Variants in NUDT1 observed in about 807,000 individuals in gnomAD.
NUDT1 encodes the protein oxidized purine nucleoside triphosphate hydrolase.
Under a neutral mutation model 11.3 loss-of-function variants are expected in NUDT1, and 16 were observed. The observed-to-expected ratio is 1.41, with a 90% CI of 0.96 to 2.15. The LOEUF (loss-of-function observed/expected upper bound fraction) is 2.15, where lower values mean the gene tolerates loss of function less well. NUDT1 is among the 30% of genes most tolerant of loss of function. The pLI, the probability that NUDT1 is intolerant of heterozygous loss-of-function variation, is 0.00. For missense variants in NUDT1, 234 were observed against 208.4 expected (o/e 1.12, Z -0.76); for synonymous variants, 101 against 84.4 (o/e 1.20, Z -1.08).
Position 2,242,269 on chromosome 7 carries a change from C to T in NUDT1, c.-13+13C>T, listed in dbSNP as rs760775366. 7.4e-5 allele frequency: 91 copies of T among 1,235,146 alleles called. No individual in the cohort carries two copies. The highest frequency in any genetic ancestry group is 2.4e-4 in the Middle Eastern group (1 of 4,194). 76.5% of individuals were successfully genotyped at this position (1,235,146 alleles called of 1,614,324 possible). On this transcript the variant is annotated intron_variant, in intron 1 of 3. Transcript: ENST00000356714. ...AGCGGCGGTGCAGGTACGAAAAGCG[C>T]GCGCGGGGATTCCAGGAGTCGTGGT...
intron 1 of NUDT1, 57 bp from the exon 2 acceptor site, chr7:2,244,506 G>GCAGC: frequency 6.9e-7 from 1 of 1,451,622 alleles, no homozygotes; most frequent in Non-Finnish European, 9.2e-7. Context: ...CTGGCCCCTG[G>GCAGC]CACGTGCTTC....
chr7:2,248,461 C>T (rs565915356), intron 2 of NUDT1, among the ~76,000 whole-genome samples: 31 of 151,420 alleles, frequency 2.0e-4, no homozygotes, highest in South Asian at 4.2e-4. Context: ...GTTGAGAAGG[C>T]GGCTGGGTTC....
rs760859686 is a variant in NUDT1 at position 2,244,592 on chromosome 7, C to T, written c.18C>T (p.Leu6=). Residue 6 remains leucine (L), a synonymous_variant, in exon 2 of 4, where the codon CTC becomes CTT. Coordinates refer to ENST00000356714, the MANE Select transcript of NUDT1 (RefSeq NM_002452.4). Reference sequence around the variant, plus strand: ...CAGGGACCATGGGCGCCTCCAGGCTCTATACCCTGGTGCTGGTCCTGCAGC... The same window carrying T: ...CAGGGACCATGGGCGCCTCCAGGCTTTATACCCTGGTGCTGGTCCTGCAGC... The part of the protein sequence containing the change: MGASR[L]YTLVLVLQPQ... 3 of 1,607,578 alleles carry T rather than the reference C, an allele frequency of 1.9e-6. No individual in the cohort carries two copies. Among genetic ancestry groups the T allele is most frequent in the Middle Eastern group, 1.7e-4 (1 of 6,022 alleles).
chr7:2,243,571 G>A (rs915860476), intron 1 of NUDT1, among the ~76,000 whole-genome samples: 1 of 152,110 alleles, frequency 6.6e-6, no homozygotes, highest in African/African-American at 2.4e-5. Flanking sequence ...TCAGGAGTTC[G>A]TGACCAGCCT....
chr7:2,250,612 C>T (rs1562411628), intron 3 of NUDT1, among the ~76,000 whole-genome samples: 1 of 149,458 alleles, frequency 6.7e-6, no homozygotes, highest in Non-Finnish European at 1.5e-5. Flanking sequence ...CGCCCGCCAC[C>T]ACGCCCGGCT....
chr7:2,244,073 C>G (rs565948592), intron 1 of NUDT1, among the ~76,000 whole-genome samples: 1 of 152,304 alleles, frequency 6.6e-6, no homozygotes, highest in East Asian at 1.9e-4. Flanking sequence ...TGGAAGCCTG[C>G]TACAGAGAGG....
intron 2 of NUDT1, 139 bp from the exon 3 acceptor site, chr7:2,249,718 G>A: frequency 1.0e-6 from 1 of 1,003,496 alleles, no homozygotes; most frequent in Non-Finnish European, 1.5e-6. Flanking sequence ...TGCATTCTAG[G>A]GGACATCCTC....
intron 2 of NUDT1, among the ~76,000 whole-genome samples, chr7:2,247,849 C>T (rs76893888): frequency 4.4e-3 from 663 of 152,326 alleles, no homozygotes; most frequent in Non-Finnish European, 7.4e-3. Flanking sequence ...CTTTTTAAGA[C>T]GAGCAACAGC....
chr7:2,246,661 T>C (rs1422179014), intron 2 of NUDT1, among the ~76,000 whole-genome samples: 1 of 152,128 alleles, frequency 6.6e-6, no homozygotes, highest in Non-Finnish European at 1.5e-5. Flanking sequence ...CCTCTGTAAA[T>C]ATTACACAAA....
chr7:2,242,936 T>A (rs929967807), intron 1 of NUDT1: 1 of 712,868 alleles, frequency 1.4e-6, no homozygotes. Context: ...TTTCTTGCCT[T>A]GATGTACTGG....
At chr7:2,248,080 A>T (rs1218293534) in intron 2 of NUDT1, 2 of 152,362 alleles carry the variant, frequency 1.3e-5, no homozygotes, top group Non-Finnish European at 2.9e-5. Context: ...TAGACCAGGC[A>T]TGGTGGCTCA....
chr7:2,247,468 C>T (rs1339601040), intron 2 of NUDT1, among the ~76,000 whole-genome samples: 2 of 152,120 alleles, frequency 1.3e-5, no homozygotes, highest in African/African-American at 2.4e-5. Context: ...CAGTGTGAGC[C>T]GACCTTTCTA....
chr7:2,242,696 A>G (rs1794596148), intron 1 of NUDT1: 3 of 418,596 alleles, frequency 7.2e-6, no homozygotes, highest in Non-Finnish European at 1.3e-5. Flanking sequence ...GATGTGGCTC[A>G]CTTCTTCAGT....
At chr7:2,251,144 TG>T (rs1252961915) in exon 4 of NUDT1, 11 of 680,622 alleles carry the variant, frequency 1.6e-5, no homozygotes, top group Admixed American at 3.1e-5. Context: ...TATCTAGCGG[TG>T]GTTTTTTTTT....
At chr7:2,249,444 C>T (rs1216989435) in intron 2 of NUDT1, 3 of 267,488 alleles carry the variant, frequency 1.1e-5, no homozygotes, top group South Asian at 4.0e-5. Flanking sequence ...GATGCTCAGC[C>T]GCGGAAAAGC....
chr7:2,250,908 C>T lies in NUDT1; in HGVS notation c.378C>T (p.Leu126=). The change falls in exon 4 of 4, where the codon CTC becomes CTT. Residue 126 remains leucine, a synonymous_variant. Coordinates refer to ENST00000356714, the MANE Select transcript of NUDT1 (RefSeq NM_002452.4). ...CCGACGACAGCTACTGGTTTCCACT[C>T]CTGCTTCAGAAGAAGAAATTCCACG... ...MWPDDSYWFP[L]LLQKKKFHGY... 6.2e-7 allele frequency: 1 copy of T among 1,614,186 alleles called. No homozygotes were observed. The highest frequency in any genetic ancestry group is 8.5e-7 in the Non-Finnish European group (1 of 1,180,030).
chr7:2,249,664 A>G, intron 2 of NUDT1, 193 bp from the exon 3 acceptor site: 1 of 668,382 alleles, frequency 1.5e-6, no homozygotes, highest in Middle Eastern at 4.2e-4. Flanking sequence ...GTGTCTTCAA[A>G]GTTCAAGTTG....
intron 2 of NUDT1, among the ~76,000 whole-genome samples, chr7:2,245,585 C>G (rs920545823): frequency 6.6e-5 from 10 of 152,130 alleles, no homozygotes; most frequent in African/African-American, 2.4e-4. Context: ...ATTCATTTCT[C>G]TTTTTTTCTC....
intron 2 of NUDT1, among the ~76,000 whole-genome samples, chr7:2,245,929 C>G (rs1311077333): frequency 2.6e-5 from 4 of 152,062 alleles, no homozygotes; most frequent in African/African-American, 7.2e-5. Flanking sequence ...TGTGCTTCCC[C>G]TCCAAGGCTT....
Sources: allele counts gnomAD v4.1 joint callset (sites outside exome capture counted in the v4.1 genomes callset), GRCh38; gene constraint gnomAD v4.1.1; transcripts MANE v1.5; gene names NCBI Gene and HGNC (gene_info 2026-07-23, HGNC 2026-07-21).